The following WDR47 variants were observed in gnomAD, a reference collection of about 807,000 sequenced individuals.
WDR47 encodes the protein WD repeat-containing protein 47.
Under a neutral mutation model 97.2 loss-of-function variants are expected in WDR47, and 32 were observed. The ratio of observed to expected loss-of-function variants is 0.33; its 90% confidence interval spans 0.25 to 0.44. The LOEUF (loss-of-function observed/expected upper bound fraction) is 0.44. Among genes scored for constraint, WDR47 ranks in the 20% least tolerant of loss-of-function variants. The pLI is 1.00. For synonymous variants in WDR47, 375 were observed against 373.5 expected (o/e 1.00, Z -0.05); for missense variants, 782 against 1,102.3 (o/e 0.71, Z 4.11).
At chr1:109,001,958 A>C (rs1660235053) in intron 7 of WDR47, among the ~76,000 whole-genome samples, 1 of 151,676 alleles carries the variant, frequency 6.6e-6, no homozygotes, top group Admixed American at 6.6e-5. Context: ...ATCCGCAGTT[A>C]CCCTGGGAGA....
rs1315489895 is a variant in WDR47, at chr1:109,009,969, GC to G, written c.1130+946del. Among the ~76,000 whole-genome samples the G allele has an allele frequency of 2.6e-5, 4 of 151,838 alleles. No individual in the cohort carries two copies. In the East Asian group the frequency reaches 7.7e-4, roughly 29 times the overall value. Reference sequence around the variant, plus strand: ...GCCGAGACCGTGCCACTGCACTCCAGCCTGAGTGACAAAAGCAAAACTCCAT... The same window carrying G: ...GCCGAGACCGTGCCACTGCACTCCAGCTGAGTGACAAAAGCAAAACTCCAT... On this transcript the variant is annotated intron_variant, in intron 5 of 14. Coordinates refer to ENST00000369962, the MANE Select transcript of WDR47 (RefSeq NM_001142551.2).
intron 1 of WDR47, among the ~76,000 whole-genome samples, chr1:109,032,368 C>G (rs374388530): frequency 1.5e-5 from 2 of 134,998 alleles, no homozygotes; most frequent in African/African-American, 5.3e-5. Flanking sequence ...ATTAGCCAGG[C>G]GTGGTGACGG....
chr1:109,004,308 C>T (rs1029127084), intron 6 of WDR47, among the ~76,000 whole-genome samples: 3 of 151,756 alleles, frequency 2.0e-5, no homozygotes, highest in Non-Finnish European at 2.9e-5. Flanking sequence ...TTAATGTAAG[C>T]GCAATTACTT....
chr1:108,981,895 G>T, intron 12 of WDR47, 31 bp from the exon 13 acceptor site: 1 of 1,599,548 alleles, frequency 6.3e-7, no homozygotes, highest in Non-Finnish European at 8.5e-7. Flanking sequence ...AATTATTAAG[G>T]TGGGAGAGTA....
At chr1:108,981,895 G>A (rs1197723950) in intron 12 of WDR47, 31 bp from the exon 13 acceptor site, 1 of 1,599,548 alleles carries the variant, frequency 6.3e-7, no homozygotes. Flanking sequence ...AATTATTAAG[G>A]TGGGAGAGTA....
chr1:109,037,559 G>A (rs1663045823), intron 1 of WDR47, among the ~76,000 whole-genome samples: 1 of 149,564 alleles, frequency 6.7e-6, no homozygotes, highest in Non-Finnish European at 1.5e-5. Flanking sequence ...CCTGGGAGGC[G>A]GAGCTTGCAG....
intron 4 of WDR47, among the ~76,000 whole-genome samples, chr1:109,011,945 T>C (rs181717868): frequency 6.6e-6 from 1 of 152,294 alleles, no homozygotes; most frequent in East Asian, 1.9e-4. Flanking sequence ...AACACTGTTC[T>C]ATTATAATTC....
At chr1:108,999,224 T>TC (rs1345949394) in intron 7 of WDR47, among the ~76,000 whole-genome samples, 3 of 137,538 alleles carry the variant, frequency 2.2e-5, no homozygotes, top group African/African-American at 2.7e-5. Context: ...CAAGACTCTG[T>TC]CCCCAAAAAA....
At chr1:109,032,613 G>A (rs892742597) in intron 1 of WDR47, among the ~76,000 whole-genome samples, 1 of 151,354 alleles carries the variant, frequency 6.6e-6, no homozygotes, top group Non-Finnish European at 1.5e-5. Flanking sequence ...AATGTAAAAT[G>A]TAGACCAGGC....
chr1:109,030,181 G>C (rs1662521793), intron 1 of WDR47: 1 of 1,472,766 alleles, frequency 6.8e-7, no homozygotes. Flanking sequence ...AAATGCCCAG[G>C]ATAATATAAA....
intron 5 of WDR47, among the ~76,000 whole-genome samples, chr1:109,008,093 C>A (rs971521896): frequency 2.0e-5 from 3 of 150,312 alleles, no homozygotes; most frequent in Non-Finnish European, 4.4e-5. Flanking sequence ...CAGAGCAAGA[C>A]TCCATCTCAA....
intron 2 of WDR47, among the ~76,000 whole-genome samples, chr1:109,019,951 T>C (rs1395976006): frequency 2.6e-5 from 4 of 152,038 alleles, no homozygotes; most frequent in African/African-American, 7.2e-5. Flanking sequence ...AGAAGAAATA[T>C]TAATAAAAGC....
intron 13 of WDR47, among the ~76,000 whole-genome samples, chr1:108,979,968 C>T (rs1008922865): frequency 2.6e-5 from 4 of 152,198 alleles, no homozygotes; most frequent in African/African-American, 9.7e-5. Flanking sequence ...TGAGCTCCGC[C>T]TCCTGTCAGA....
chr1:109,029,676 T>C (rs1433907906), intron 1 of WDR47, among the ~76,000 whole-genome samples: 5 of 77,280 alleles, frequency 6.5e-5, no homozygotes, highest in African/African-American at 3.4e-4. Context: ...TGTCTCTAAA[T>C]AAATAAATAA....
chr1:108,988,601 G>C (rs906399151), intron 9 of WDR47, among the ~76,000 whole-genome samples: 8 of 151,990 alleles, frequency 5.3e-5, no homozygotes, highest in African/African-American at 1.9e-4. Context: ...GGGATCACTT[G>C]AGCCTGGGAG....
chr1:108,985,575 A>C (rs1309247889), intron 10 of WDR47, among the ~76,000 whole-genome samples: 1 of 152,240 alleles, frequency 6.6e-6, no homozygotes, highest in African/African-American at 2.4e-5. Context: ...TGAAGCCAAT[A>C]AACATGTTTG....
chr1:108,983,946 A>G (rs907200491), intron 10 of WDR47, among the ~76,000 whole-genome samples: 3 of 152,256 alleles, frequency 2.0e-5, no homozygotes, highest in Non-Finnish European at 4.4e-5. Context: ...TAAGGCAAGT[A>G]TAAGTTGTTA....
chr1:109,037,004 C>T (rs900213124), intron 1 of WDR47, among the ~76,000 whole-genome samples: 3 of 152,084 alleles, frequency 2.0e-5, no homozygotes, highest in Non-Finnish European at 4.4e-5. Flanking sequence ...TTGCACTTCC[C>T]GGAATTTCAT....
At chr1:108,978,465 G>A (rs1658095303) in intron 13 of WDR47, among the ~76,000 whole-genome samples, 2 of 151,234 alleles carry the variant, frequency 1.3e-5, no homozygotes, top group African/African-American at 4.9e-5. Flanking sequence ...GGCAACCTGG[G>A]TGACAGAGCG....
Sources: gnomAD v4.1 joint callset for allele counts (sites outside exome capture counted in the v4.1 genomes callset) on GRCh38, gnomAD v4.1.1 for gene constraint, MANE v1.5 for transcripts, NCBI Gene and HGNC (gene_info 2026-07-23, HGNC 2026-07-21) for gene names.